The following RABGAP1L variants were observed in gnomAD, a reference collection of about 807,000 sequenced individuals.
RABGAP1L encodes the protein rab GTPase-activating protein 1-like.
In RABGAP1L, 63 loss-of-function variants were observed where a neutral mutation model predicts 137.7. The ratio of observed to expected loss-of-function variants is 0.46; its 90% CI spans 0.37 to 0.56. The LOEUF is 0.56. Among genes scored for constraint, RABGAP1L ranks in the 20% least tolerant of loss-of-function variants. The pLI, the probability that RABGAP1L is intolerant of heterozygous loss-of-function variation, is 0.00. For missense variants in RABGAP1L, 1,095 were observed against 1,244.0 expected, an observed-to-expected ratio of 0.88 and a Z score of 1.80; for synonymous variants, 431 against 433.7, an observed-to-expected ratio of 0.99 and a Z score of 0.08.
At chr1:174,785,677 G>A (rs562033502) in intron 18 of RABGAP1L, among the ~76,000 whole-genome samples, 2 of 152,290 alleles carry the variant, frequency 1.3e-5, no homozygotes, top group East Asian at 1.9e-4. Flanking sequence ...GGGACCATTC[G>A]AGCCCTGTAG....
At chr1:174,241,044 G>C (rs1671771838) in intron 4 of RABGAP1L, among the ~76,000 whole-genome samples, 1 of 152,238 alleles carries the variant, frequency 6.6e-6, no homozygotes, top group African/African-American at 2.4e-5. Context: ...TGTTTGGCCA[G>C]ATGCGGGGGC....
chr1:174,693,810 G>T (rs950541647), intron 15 of RABGAP1L, among the ~76,000 whole-genome samples: 2 of 152,152 alleles, frequency 1.3e-5, no homozygotes, highest in Non-Finnish European at 2.9e-5. Flanking sequence ...CTGCACAAAT[G>T]CATCTATAAG....
intron 13 of RABGAP1L, among the ~76,000 whole-genome samples, chr1:174,561,095 C>G (rs1667181203): frequency 6.6e-6 from 1 of 152,138 alleles, no homozygotes; most frequent in Admixed American, 6.5e-5. Context: ...TTGCAGATGA[C>G]ATGATCGTAT....
intron 11 of RABGAP1L, among the ~76,000 whole-genome samples, chr1:174,317,407 C>T (rs192108957): frequency 6.6e-6 from 1 of 152,094 alleles, no homozygotes; most frequent in East Asian, 1.9e-4. Flanking sequence ...CAGTGGGTTC[C>T]CTTTTGGCTC....
intron 13 of RABGAP1L, among the ~76,000 whole-genome samples, chr1:174,463,407 C>CA (rs1260516101): frequency 1.4e-5 from 2 of 146,796 alleles, no homozygotes; most frequent in Non-Finnish European, 3.0e-5. Flanking sequence ...TAAACTATCG[C>CA]AAAAACAAAA....
intron 10 of RABGAP1L, among the ~76,000 whole-genome samples, chr1:174,281,870 A>G (rs573259858): frequency 6.6e-6 from 1 of 152,330 alleles, no homozygotes; most frequent in East Asian, 1.9e-4. Context: ...CATGCCAGCT[A>G]ATCTTTCTCA....
intron 17 of RABGAP1L, among the ~76,000 whole-genome samples, chr1:174,749,107 T>C (rs961417570): frequency 2.7e-5 from 4 of 149,326 alleles, no homozygotes; most frequent in African/African-American, 9.9e-5. Flanking sequence ...ACCCAGGAAG[T>C]GGAGGTTGCA....
chr1:174,872,738 A>T (rs1029499667), intron 19 of RABGAP1L, among the ~76,000 whole-genome samples: 9 of 152,032 alleles, frequency 5.9e-5, no homozygotes, highest in Non-Finnish European at 1.2e-4. Flanking sequence ...ATGTAGTCTC[A>T]CTATGTTGCC....
chr1:174,280,853 G>A (rs1675463397), intron 10 of RABGAP1L, among the ~76,000 whole-genome samples: 1 of 152,190 alleles, frequency 6.6e-6, no homozygotes, highest in Admixed American at 6.5e-5. Flanking sequence ...CTTGCGGTGA[G>A]TGTTACAGTT....
At chr1:174,719,744 G>T (rs1257976371) in intron 17 of RABGAP1L, among the ~76,000 whole-genome samples, 1 of 152,200 alleles carries the variant, frequency 6.6e-6, no homozygotes, top group Admixed American at 6.5e-5. Context: ...GCCAAATAGA[G>T]TGTATCATCA....
At chr1:174,241,043 A>G (rs942326296) in intron 4 of RABGAP1L, among the ~76,000 whole-genome samples, 1 of 152,090 alleles carries the variant, frequency 6.6e-6, no homozygotes, top group African/African-American at 2.4e-5. Context: ...ATGTTTGGCC[A>G]GATGCGGGGG....
chr1:174,829,338 AAAAAGTG>A (rs1691878617), intron 19 of RABGAP1L, among the ~76,000 whole-genome samples: 1 of 148,410 alleles, frequency 6.7e-6, no homozygotes. Flanking sequence ...AAAATGAAAT[AAAAAGTG>A]AAATCTGTCT....
chr1:174,509,930 C>G (rs1375421608), intron 13 of RABGAP1L, among the ~76,000 whole-genome samples: 1 of 152,168 alleles, frequency 6.6e-6, no homozygotes, highest in Non-Finnish European at 1.5e-5. Context: ...CTCCTTCATT[C>G]TGTTCTCATT....
Position 174,811,889 on chromosome 1 carries a change from G to A in RABGAP1L, c.2269G>A (p.Val757Ile), listed in dbSNP as rs1689903499. The A allele has an allele frequency of 6.2e-7, 1 of 1,609,638 alleles. No homozygotes were observed. Among genetic ancestry groups the A allele is most frequent in the Non-Finnish European group, 8.5e-7 (1 of 1,177,690 alleles). Residue 757 changes from valine (V) to isoleucine (I), a missense_variant, in exon 19 of 26, where the codon GTT becomes ATT. Physicochemically the swap from Val to Ile is conservative, Grantham distance 29. Coordinates refer to ENST00000681986, the MANE Select transcript of RABGAP1L (RefSeq NM_001366446.1). ...DFEGALKFFR[V>I]QLPKRYRAEE... ...TGAAGGTGCTTTAAAGTTCTTTAGA[G>A]TTCAGCTTCCAAAGAGATACAGGGC...
In RABGAP1L at chr1:174,964,217, A is replaced by C. The variant is rs183439619; in HGVS notation, c.2434-5060A>C. On this transcript the variant is annotated intron_variant, in intron 20 of 25. Transcript: ENST00000681986. ...AGAGTTGAGTGTGTTGTTGCTAATAAATTTGCACTGAGTCTTTTAGGAAAA... is the reference window on the plus strand; with the variant it reads ...AGAGTTGAGTGTGTTGTTGCTAATACATTTGCACTGAGTCTTTTAGGAAAA... Among the ~76,000 whole-genome samples the C allele has an allele frequency of 1.6e-4, 25 of 152,290 alleles. No individual in the cohort carries two copies. The East Asian group carries it at 3.9e-3, about 23-fold the overall frequency.
chr1:174,662,393 C>T (rs942207228), intron 14 of RABGAP1L, among the ~76,000 whole-genome samples: 8 of 145,114 alleles, frequency 5.5e-5, no homozygotes, highest in Non-Finnish European at 1.2e-4. Flanking sequence ...CGTGAGCCAC[C>T]GCGCCTGGCC....
intron 17 of RABGAP1L, among the ~76,000 whole-genome samples, chr1:174,729,976 T>A (rs930645914): frequency 1.3e-5 from 2 of 152,146 alleles, no homozygotes; most frequent in Non-Finnish European, 2.9e-5. Context: ...TGGATGTATA[T>A]TTAAAAGAAA....
At chr1:174,415,785 A>G (rs1650480478) in intron 13 of RABGAP1L, among the ~76,000 whole-genome samples, 1 of 151,838 alleles carries the variant, frequency 6.6e-6, no homozygotes, top group Non-Finnish European at 1.5e-5. Flanking sequence ...ATGTTACTGT[A>G]GCTTTCTTTC....
chr1:174,553,902 A>G (rs1666712083), intron 13 of RABGAP1L, among the ~76,000 whole-genome samples: 1 of 152,170 alleles, frequency 6.6e-6, no homozygotes. Flanking sequence ...CTGAGGTGAT[A>G]GAATTTGGGC....
Sources: allele counts gnomAD v4.1 joint callset (sites outside exome capture counted in the v4.1 genomes callset), GRCh38; gene constraint gnomAD v4.1.1; transcripts MANE v1.5; gene names NCBI Gene and HGNC (gene_info 2026-07-23, HGNC 2026-07-21).